DLG2: variants seen among roughly 807,000 people sequenced by gnomAD.
DLG2 encodes disks large homolog 2.
DLG2 carries 45 observed loss-of-function variants against 132.5 expected under a neutral mutation model. The observed-to-expected ratio is 0.34, with a 90% CI of 0.27 to 0.44. DLG2 has a LOEUF of 0.44. DLG2 is among the 20% of genes least tolerant of loss of function. The pLI is 1.00. For missense variants in DLG2, 1,045 were observed against 1,196.9 expected (o/e 0.87, Z 1.87); for synonymous variants, 424 against 419.6 (o/e 1.01, Z -0.13).
intron 6 of DLG2, among the ~76,000 whole-genome samples, chr11:84,775,883 C>G (rs2070382210): frequency 6.6e-6 from 1 of 152,070 alleles, no homozygotes; most frequent in African/African-American, 2.4e-5. Context: ...CCCGCAGAAT[C>G]TAAAATAAAA....
At chr11:84,349,937 G>A (rs2098555321) in intron 7 of DLG2, among the ~76,000 whole-genome samples, 1 of 151,974 alleles carries the variant, frequency 6.6e-6, no homozygotes, top group South Asian at 2.1e-4. Flanking sequence ...CAGCACTTTG[G>A]GAGGCCGAGA....
intron 6 of DLG2, among the ~76,000 whole-genome samples, chr11:84,777,685 T>A (rs1022055422): frequency 2.0e-5 from 3 of 152,118 alleles, no homozygotes; most frequent in Admixed American, 2.0e-4. Flanking sequence ...GATATCTCAC[T>A]GTGGTTTTAA....
intron 6 of DLG2, among the ~76,000 whole-genome samples, chr11:84,838,776 T>C (rs2080177205): frequency 6.6e-6 from 1 of 152,028 alleles, no homozygotes; most frequent in Non-Finnish European, 1.5e-5. Context: ...GAAAAGGCCT[T>C]TGACAAAATT....
At chr11:85,230,036 G>A (rs555455285) in intron 4 of DLG2, among the ~76,000 whole-genome samples, 5 of 152,016 alleles carry the variant, frequency 3.3e-5, no homozygotes, top group Admixed American at 2.0e-4. Context: ...GTAGATGATG[G>A]GTTGATGCTT....
intron 7 of DLG2, among the ~76,000 whole-genome samples, chr11:84,481,057 A>G (rs1281592480): frequency 2.6e-5 from 4 of 151,942 alleles, no homozygotes; most frequent in Non-Finnish European, 5.9e-5. Context: ...TCATTTATAA[A>G]TAAGGATAAT....
intron 7 of DLG2, among the ~76,000 whole-genome samples, chr11:84,357,960 C>T (rs529221540): frequency 1.1e-3 from 160 of 151,726 alleles, no homozygotes; most frequent in Admixed American, 2.5e-3. Context: ...TATATACCTA[C>T]CTGGAAACAG....
rs565762977 is a variant in DLG2 at position 85,174,966 on chromosome 11, A to T, written c.187-20315T>A. ...CCAATAACAAGTTCTGAAATTGAGG[A>T]AGGAATAAATAGCCTAGCAACCAAA... On this transcript the variant is annotated intron_variant, in intron 4 of 27. Transcript: ENST00000376104. Among the ~76,000 whole-genome samples the T allele has an allele frequency of 3.3e-5, 5 of 152,180 alleles. 1 individual carries two copies. The South Asian group carries it at 1.0e-3, about 32-fold the overall frequency.
chr11:85,207,336 T>C (rs144938582), intron 4 of DLG2, among the ~76,000 whole-genome samples: 23 of 152,332 alleles, frequency 1.5e-4, no homozygotes, highest in African/African-American at 4.8e-4. Flanking sequence ...TTCCAGGTAT[T>C]TGCCAACCTA....
chr11:85,484,775 A>T (rs1236651035), intron 3 of DLG2, among the ~76,000 whole-genome samples: 1 of 149,562 alleles, frequency 6.7e-6, no homozygotes, highest in Non-Finnish European at 1.5e-5. Context: ...TAGTTCAACC[A>T]TTGTGGAAGT....
chr11:85,202,688 T>C (rs1265890891), intron 4 of DLG2, among the ~76,000 whole-genome samples: 1 of 152,056 alleles, frequency 6.6e-6, no homozygotes, highest in Non-Finnish European at 1.5e-5. Context: ...CAAAATAATA[T>C]TAAGTCTCTT....
intron 6 of DLG2, among the ~76,000 whole-genome samples, chr11:84,555,835 A>G (rs551988786): frequency 1.2e-4 from 19 of 152,326 alleles, no homozygotes; most frequent in Middle Eastern, 6.8e-3. Context: ...AATTTTTTAA[A>G]AGCTTACTCT....
intron 6 of DLG2, among the ~76,000 whole-genome samples, chr11:84,744,938 C>T (rs1364804364): frequency 1.3e-5 from 2 of 148,878 alleles, no homozygotes; most frequent in Non-Finnish European, 3.0e-5. Flanking sequence ...GACAAATCAC[C>T]TCCATAAAAC....
chr11:84,554,072 T>C (rs1022110515), intron 6 of DLG2, among the ~76,000 whole-genome samples: 1 of 152,226 alleles, frequency 6.6e-6, no homozygotes, highest in Non-Finnish European at 1.5e-5. Flanking sequence ...TCAAATTCTC[T>C]AAAACCCATG....
intron 7 of DLG2, among the ~76,000 whole-genome samples, chr11:84,501,960 C>T (rs2099207234): frequency 1.3e-5 from 2 of 152,094 alleles, no homozygotes; most frequent in African/African-American, 2.4e-5. Context: ...TGCTGTGAAC[C>T]TTGGGCTGTA....
At chr11:84,543,929 C>A (rs1035029553) in intron 6 of DLG2, among the ~76,000 whole-genome samples, 6 of 152,164 alleles carry the variant, frequency 3.9e-5, no homozygotes, top group Admixed American at 6.5e-5. Flanking sequence ...TTGCAGCTGA[C>A]AGAGCTTTGT....
At chr11:84,664,682 T>C (rs945563348) in intron 6 of DLG2, among the ~76,000 whole-genome samples, 1 of 152,152 alleles carries the variant, frequency 6.6e-6, no homozygotes, top group African/African-American at 2.4e-5. Context: ...GCTTCAAATA[T>C]ATTCAAAAAA....
At chr11:83,741,394 C>A (rs1412867457) in intron 18 of DLG2, among the ~76,000 whole-genome samples, 2 of 151,998 alleles carry the variant, frequency 1.3e-5, no homozygotes, top group Non-Finnish European at 2.9e-5. Flanking sequence ...TGATTCTATA[C>A]CAAGAAAATC....
chr11:84,585,068 C>CA (rs1056292422), intron 6 of DLG2, among the ~76,000 whole-genome samples: 8 of 152,058 alleles, frequency 5.3e-5, no homozygotes, highest in Non-Finnish European at 1.0e-4. Context: ...TTCCTAATGA[C>CA]AAAGTCATAA....
intron 16 of DLG2, among the ~76,000 whole-genome samples, chr11:83,855,883 A>C (rs1165839844): frequency 6.6e-6 from 1 of 152,098 alleles, no homozygotes; most frequent in Non-Finnish European, 1.5e-5. Flanking sequence ...CTACATAGGT[A>C]AACTTGTTTG....
Sources: gnomAD v4.1 joint callset for allele counts (sites outside exome capture counted in the v4.1 genomes callset) on GRCh38, gnomAD v4.1.1 for gene constraint, MANE v1.5 for transcripts, NCBI Gene and HGNC (gene_info 2026-07-23, HGNC 2026-07-21) for gene names.